The following STIL variants were observed in gnomAD, a reference collection of about 807,000 sequenced individuals.
STIL encodes SCL-interrupting locus protein.
Under a neutral mutation model 110.1 loss-of-function variants are expected in STIL, and 55 were observed. The observed-to-expected ratio is 0.50, with a 90% CI of 0.40 to 0.63. The LOEUF (loss-of-function observed/expected upper bound fraction) is 0.63, where lower values mean the gene tolerates loss of function less well. STIL is among the 20% of genes least tolerant of loss of function. The probability of loss-of-function intolerance (pLI) is 0.00; values close to 1 mark genes in which losing one functional copy is unlikely to be tolerated. For synonymous variants in STIL, 481 were observed against 530.0 expected (o/e 0.91, Z 1.27); for missense variants, 1,358 against 1,530.0 (o/e 0.89, Z 1.87).
Position 47,280,557 on chromosome 1 carries a change from G to C in STIL, c.1901C>G (p.Ser634Cys). The C allele has an allele frequency of 6.2e-7, 1 of 1,614,266 alleles. No individual in the cohort carries two copies. The highest frequency in any genetic ancestry group is 8.5e-7 in the Non-Finnish European group (1 of 1,180,058). ...TAATGAATGCTTTTGAAGGGCTTCA[G>C]ACTGGACATCTTGAATGGATCCAAC... ...NTVGSIQDVQ[S>C]EALQKHSLFH... Residue 634 changes from serine to cysteine, a missense_variant, in exon 12 of 17, where the codon TCT (serine) becomes TGT (cysteine). By Grantham distance (112) the Ser-to-Cys change is moderately radical. Transcript: ENST00000371877.
At chr1:47,270,245 T>TACAC (rs1644787873) in intron 13 of STIL, among the ~76,000 whole-genome samples, 1 of 85,646 alleles carries the variant, frequency 1.2e-5, no homozygotes, top group African/African-American at 5.1e-5. Context: ...AAAAAAAATA[T>TACAC]ATATATATAT....
intron 16 of STIL, among the ~76,000 whole-genome samples, chr1:47,258,991 G>GTTTTTTTTTTTT (rs1557704421): frequency 8.0e-4 from 29 of 36,206 alleles, no homozygotes; most frequent in Non-Finnish European, 1.1e-3. Context: ...AAGTAACTTT[G>GTTTTTTTTTTTT]CTTTTTTTTT....
chr1:47,272,444 T>A (rs1488868677), intron 12 of STIL, among the ~76,000 whole-genome samples: 1 of 110,762 alleles, frequency 9.0e-6, no homozygotes, highest in Non-Finnish European at 2.1e-5. Flanking sequence ...ACTTTAAGTA[T>A]ACTATTTTTT....
At chr1:47,258,780 G>C (rs367869550) in intron 16 of STIL, among the ~76,000 whole-genome samples, 1 of 152,040 alleles carries the variant, frequency 6.6e-6, no homozygotes. Context: ...TGAGATGGGA[G>C]GCTCACTTGA....
intron 1 of STIL, chr1:47,313,206 C>T (rs1408104403): frequency 6.6e-6 from 1 of 152,202 alleles, no homozygotes; most frequent in Non-Finnish European, 1.5e-5. Flanking sequence ...TGCCTGTAAT[C>T]CCAGCTACTA....
intron 12 of STIL, among the ~76,000 whole-genome samples, chr1:47,276,532 G>T (rs1200510669): frequency 6.6e-6 from 1 of 151,584 alleles, no homozygotes. Flanking sequence ...TCTAGGCCAG[G>T]CATGGTGGCT....
chr1:47,302,340 T>C lies in STIL; in HGVS notation c.159A>G (p.Pro53=), dbSNP rs753762066. Reference sequence around the variant, plus strand: ...TGGTCTTCTCAGTCACCACAAGCTTTGGATTTCTGAAAAACAACAAGTCTT... The same window carrying C: ...TGGTCTTCTCAGTCACCACAAGCTTCGGATTTCTGAAAAACAACAAGTCTT... ...IYLHLSYYRN[P]KLVVTEKTIR... is the part of the protein sequence containing the mutation. Residue 53 remains proline, a synonymous_variant, in exon 4 of 17, where the codon CCA becomes CCG. Coordinates refer to ENST00000371877, the MANE Select transcript of STIL (RefSeq NM_001048166.1). 8 of 1,613,600 alleles carry C rather than the reference T, an allele frequency of 5.0e-6. No individual in the cohort carries two copies.
At chr1:47,275,481 G>C (rs192815445) in intron 12 of STIL, among the ~76,000 whole-genome samples, 1 of 151,788 alleles carries the variant, frequency 6.6e-6, no homozygotes, top group Non-Finnish European at 1.5e-5. Flanking sequence ...GGTGGCCAAC[G>C]CCTGTAGTCC....
At chr1:47,264,786 T>C (rs190685807) in intron 14 of STIL, among the ~76,000 whole-genome samples, 34 of 152,246 alleles carry the variant, frequency 2.2e-4, no homozygotes, top group Admixed American at 2.0e-3. Flanking sequence ...AGAAAGTATT[T>C]AATCCAAATC....
chr1:47,313,950 C>G (rs1646214686), intron 1 of STIL, 86 bp downstream of exon 1: 1 of 152,340 alleles, frequency 6.6e-6, no homozygotes, highest in Admixed American at 6.5e-5. Context: ...GAACCCACTA[C>G]AGGGCTTTGA....
chr1:47,285,440 A>C (rs1279955014), intron 10 of STIL, among the ~76,000 whole-genome samples: 1 of 152,086 alleles, frequency 6.6e-6, no homozygotes, highest in Non-Finnish European at 1.5e-5. Flanking sequence ...AATCTGGAGA[A>C]CCCTAATACA....
rs976856348 is a variant in STIL, at chr1:47,280,904, G to A, written c.1554C>T (p.Thr518=). The change falls in exon 12 of 17, where the codon ACC becomes ACT. Residue 518 remains threonine (T), a synonymous_variant. Coordinates refer to ENST00000371877, the MANE Select transcript of STIL (RefSeq NM_001048166.1). ...GAGAAGATGGTTTAATACTGTTCCT[G>A]GTATGGGGGTTCCCTTTCTTATAGG... ...PPAYKKGNPH[T]RNSIKPSSHN... is the part of the protein sequence containing the mutation. 1.2e-5 allele frequency: 19 copies of A among 1,614,168 alleles called. No individual in the cohort carries two copies. The highest frequency in any genetic ancestry group is 1.6e-5 in the Non-Finnish European group (19 of 1,180,024).
At chr1:47,269,148 C>T (rs1325874064) in intron 14 of STIL, among the ~76,000 whole-genome samples, 1 of 151,734 alleles carries the variant, frequency 6.6e-6, no homozygotes, top group Non-Finnish European at 1.5e-5. Context: ...ATCAGATCCT[C>T]TAGGGTGAGG....
chr1:47,262,273 GAC>G (rs1306193084), intron 15 of STIL, among the ~76,000 whole-genome samples: 1 of 152,180 alleles, frequency 6.6e-6, no homozygotes, highest in African/African-American at 2.4e-5. Flanking sequence ...GGATGAAAGT[GAC>G]AGTCAGGGTT....
intron 15 of STIL, 48 bp downstream of exon 15, chr1:47,262,855 A>T: frequency 6.4e-7 from 1 of 1,571,134 alleles, no homozygotes; most frequent in Non-Finnish European, 8.8e-7. Flanking sequence ...AGTATATCCT[A>T]TACTAAATAA....
At chr1:47,296,408 T>C (rs1180543951) in intron 6 of STIL, among the ~76,000 whole-genome samples, 1 of 152,164 alleles carries the variant, frequency 6.6e-6, no homozygotes, top group Non-Finnish European at 1.5e-5. Context: ...TTATACTATA[T>C]TTATATTTTA....
chr1:47,270,238 AAAAAT>A (rs1374290976), intron 13 of STIL, among the ~76,000 whole-genome samples: 2,763 of 122,890 alleles, frequency 0.022, 46 homozygotes, highest in Non-Finnish European at 0.03. Flanking sequence ...AAAAAAAAAA[AAAAAT>A]ATATATATAT....
chr1:47,295,724 C>A (rs527466805), intron 7 of STIL, 41 bp downstream of exon 7: 61 of 1,350,260 alleles, frequency 4.5e-5, no homozygotes, highest in Non-Finnish European at 6.2e-5. Flanking sequence ...TACATTTGAA[C>A]ATTTGGCTGA....
chr1:47,304,914 T>C lies in STIL; in HGVS notation c.127A>G (p.Ile43Val), dbSNP rs753566639. 6 of 1,613,446 alleles carry C rather than the reference T, an allele frequency of 3.7e-6. No homozygotes were observed. In the South Asian group the frequency reaches 6.6e-5, roughly 18 times the overall value. Residue 43 changes from isoleucine (I) to valine (V), a missense_variant, in exon 3 of 17, where the codon ATC becomes GTC. Ile to Val is a conservative substitution (Grantham distance 29, BLOSUM62 3). Transcript: ENST00000371877. Reference sequence around the variant, plus strand: ...CTGTAGTAACTGAGATGTAAGTAGATGAAATCTCCAGTTGGCGTTGGGTTC... The same window carrying C: ...CTGTAGTAACTGAGATGTAAGTAGACGAAATCTCCAGTTGGCGTTGGGTTC... The part of the protein sequence containing the change: ...LWNPTPTGDF[I>V]YLHLSYYRNP...
Sources: gnomAD v4.1 joint callset for allele counts (sites outside exome capture counted in the v4.1 genomes callset) on GRCh38, gnomAD v4.1.1 for gene constraint, MANE v1.5 for transcripts, NCBI Gene and HGNC (gene_info 2026-07-23, HGNC 2026-07-21) for gene names.